Variants in ICAM2 observed in about 807,000 individuals in gnomAD.
ICAM2 encodes the protein ICAM-2.
Under a neutral mutation model 19.1 loss-of-function variants are expected in ICAM2, and 14 were observed. That is an observed-to-expected ratio of 0.73 (90% confidence interval 0.48 to 1.15). The LOEUF (loss-of-function observed/expected upper bound fraction) is 1.15. Among genes scored for constraint, ICAM2 ranks in the 50% most tolerant of loss-of-function variants. ICAM2 has a pLI of 0.00. For synonymous variants in ICAM2, 153 were observed against 152.7 expected (o/e 1.00, Z -0.01); for missense variants, 311 against 355.4 (o/e 0.88, Z 1.00).
At chr17:64,015,704 T>G (rs1911694909) in intron 1 of ICAM2, among the ~76,000 whole-genome samples, 1 of 152,174 alleles carries the variant, frequency 6.6e-6, no homozygotes, top group Admixed American at 6.5e-5. Context: ...TACGCCACTG[T>G]ACTCTAGCCT....
At chr17:64,003,582 C>A in intron 4 of ICAM2, 62 bp downstream of exon 4, 1 of 1,493,978 alleles carries the variant, frequency 6.7e-7, no homozygotes, top group African/African-American at 1.4e-5. Flanking sequence ...CAAGATTTTT[C>A]TTCCCCCGAG....
chr17:64,018,265 C>T (rs1397645156), intron 1 of ICAM2, among the ~76,000 whole-genome samples: 3 of 124,868 alleles, frequency 2.4e-5, no homozygotes, highest in East Asian at 2.7e-4. Context: ...ACCTAGGAGG[C>T]GGAGCTTGCA....
chr17:64,012,466 G>A (rs1911493782), intron 1 of ICAM2, among the ~76,000 whole-genome samples: 1 of 152,126 alleles, frequency 6.6e-6, no homozygotes, highest in Admixed American at 6.6e-5. Context: ...CGGGCATAGT[G>A]GTGTGTATCT....
Position 64,002,640 on chromosome 17 carries a change from G to A in ICAM2, c.*107C>T, listed in dbSNP as rs1910855897. 9.9e-7 allele frequency: 1 copy of A among 1,010,504 alleles called. No homozygotes were observed. The highest frequency in any genetic ancestry group is 1.5e-6 in the Non-Finnish European group (1 of 687,806). The allele number at this position is 1,010,504 out of a possible 1,614,324, so 62.6% of individuals were successfully genotyped here. On this transcript the variant is annotated 3_prime_UTR_variant, in exon 5 of 5. Coordinates refer to ENST00000579788, the MANE Select transcript of ICAM2 (RefSeq NM_001099789.2). ...CGGGCTAGAAAAGGCAATGTCCCAA[G>A]TCTCTGCTGCCTGTCACAGTCCTTC...
chr17:64,013,222 G>A (rs964980304), intron 1 of ICAM2, among the ~76,000 whole-genome samples: 5 of 152,186 alleles, frequency 3.3e-5, no homozygotes, highest in Non-Finnish European at 7.3e-5. Context: ...TGAGGCATGA[G>A]AATTGCCTGA....
chr17:64,014,967 G>A (rs771062194), intron 1 of ICAM2, among the ~76,000 whole-genome samples: 3 of 151,998 alleles, frequency 2.0e-5, no homozygotes, highest in Non-Finnish European at 4.4e-5. Flanking sequence ...CAATAGGATA[G>A]GCAAGTCTCC....
chr17:64,005,302 C>T lies in ICAM2; in HGVS notation c.133G>A (p.Glu45Lys), dbSNP rs763561197. ...KLAVEPKGSL[E>K]VNCSTTCNQP... ...TTACAGGTGGTGCTGCAGTTGACCT[C>T]GAGGGACCCTTTGGGCTCAACCGCC... Residue 45 changes from glutamate (E) to lysine (K), a missense_variant, in exon 3 of 5, where the codon GAG (glutamate) becomes AAG (lysine). By Grantham distance (56) the Glu-to-Lys change is moderately conservative. Transcript: ENST00000579788. 22 of 1,613,970 alleles carry T rather than the reference C, an allele frequency of 1.4e-5. No homozygotes were observed. The highest frequency in any genetic ancestry group is 6.7e-5 in the East Asian group (3 of 44,892).
chr17:64,005,508 T>C, intron 2 of ICAM2, 135 bp from the exon 3 acceptor site: 1 of 988,522 alleles, frequency 1.0e-6, no homozygotes, highest in Non-Finnish European at 1.5e-6. Context: ...CGCTGCTACT[T>C]TCCCCTTGTC....
intron 1 of ICAM2, among the ~76,000 whole-genome samples, chr17:64,018,118 G>A (rs575765360): frequency 1.3e-5 from 2 of 152,066 alleles, no homozygotes; most frequent in South Asian, 2.1e-4. Flanking sequence ...CTGATCACGC[G>A]GTCAGAAGAT....
chr17:64,003,619 A>C (rs773393312), intron 4 of ICAM2, 25 bp downstream of exon 4: 41 of 1,596,966 alleles, frequency 2.6e-5, no homozygotes, highest in Non-Finnish European at 3.2e-5. Flanking sequence ...ATCACTCCCA[A>C]CTCCATCCAC....
rs113035794 is a variant in ICAM2, at chr17:64,006,414, G to T, written c.61+217C>A. ...GCTACTCAGGAGGCTGAGGTGGGAG[G>T]ATCACCCGAGCCCAGGGAGGTGCAG... On this transcript the variant is annotated intron_variant, in intron 2 of 4. Coordinates refer to ENST00000579788, the MANE Select transcript of ICAM2 (RefSeq NM_001099789.2). The T allele has an allele frequency of 7.6e-6, 4 of 524,504 alleles. No individual in the cohort carries two copies. The East Asian group carries it at 1.3e-4, about 17-fold the overall frequency. The allele number at this position is 524,504 out of a possible 1,614,324, so 32.5% of individuals were successfully genotyped here.
chr17:64,003,462 G>A, intron 4 of ICAM2, 182 bp downstream of exon 4: 1 of 625,868 alleles, frequency 1.6e-6, no homozygotes, highest in Non-Finnish European at 2.8e-6. Flanking sequence ...CTCTGGAGCA[G>A]TTGAGGTCCA....
chr17:64,009,475 T>G (rs887393106), intron 1 of ICAM2, among the ~76,000 whole-genome samples: 1 of 151,958 alleles, frequency 6.6e-6, no homozygotes, highest in Non-Finnish European at 1.5e-5. Flanking sequence ...TGAGATGGAG[T>G]CTCGCTCTGT....
chr17:64,009,591 G>T (rs1911361980), intron 1 of ICAM2, among the ~76,000 whole-genome samples: 1 of 152,102 alleles, frequency 6.6e-6, no homozygotes, highest in African/African-American at 2.4e-5. Flanking sequence ...AGGATTACAG[G>T]TGCCCACCAC....
At position 64,008,436 on chromosome 17, in the gene ICAM2, T is replaced by C. The variant is rs564302397; in HGVS notation, c.-44-1701A>G. Among the ~76,000 whole-genome samples, 18 of 152,150 alleles carry C rather than the reference T, an allele frequency of 1.2e-4. No homozygotes were observed. The South Asian group carries it at 3.7e-3, about 32-fold the overall frequency. On this transcript the variant is annotated intron_variant, in intron 1 of 4. Transcript: ENST00000579788. The stretch of plus-strand genomic sequence containing the variant: ...ATAATAACAATAACAACATCAATAA[T>C]AATAATAGTAAACATTTACTTACTA...
rs547856891 is a variant in ICAM2, at chr17:64,004,980, G to A, written c.328+127C>T. The A allele has an allele frequency of 3.4e-5, 37 of 1,101,738 alleles. No individual in the cohort carries two copies. The South Asian group carries it at 4.4e-4, about 13-fold the overall frequency. 68.2% of individuals were successfully genotyped at this position (1,101,738 alleles called of 1,614,324 possible). ...CCTGGTCCTGCCCCTTGTCACCCCA[G>A]GAGCTCAGGGAGGCAGGGCCCCACG... On this transcript the variant is annotated intron_variant, in intron 3 of 4. Coordinates refer to ENST00000579788, the MANE Select transcript of ICAM2 (RefSeq NM_001099789.2).
chr17:64,006,370 G>A, intron 2 of ICAM2: 1 of 428,472 alleles, frequency 2.3e-6, no homozygotes. Context: ...GGGCATGGTG[G>A]CTCTCACCTG....
intron 1 of ICAM2, among the ~76,000 whole-genome samples, chr17:64,007,537 C>T (rs2143204037): frequency 6.6e-6 from 1 of 152,308 alleles, no homozygotes; most frequent in Middle Eastern, 3.4e-3. Context: ...GCTGGGATTA[C>T]AGGCCTGAGC....
chr17:64,005,005 G>T, intron 3 of ICAM2, 102 bp downstream of exon 3: 3 of 1,366,532 alleles, frequency 2.2e-6, no homozygotes, highest in Non-Finnish European at 3.1e-6. Flanking sequence ...AGGGCCCCAC[G>T]ATGACAGTGC....
Sources: gnomAD v4.1 joint callset for allele counts (sites outside exome capture counted in the v4.1 genomes callset) on GRCh38, gnomAD v4.1.1 for gene constraint, MANE v1.5 for transcripts, NCBI Gene and HGNC (gene_info 2026-07-23, HGNC 2026-07-21) for gene names.